USP22: variants seen among roughly 807,000 people sequenced by gnomAD.
The protein encoded by USP22 is ubiquitin specific peptidase 22, also known as ubiquitin carboxyl-terminal hydrolase 22.
A neutral mutation model predicts 68.1 loss-of-function variants in USP22; 22 were observed. The observed-to-expected ratio is 0.32, with a 90% CI of 0.23 to 0.46. USP22 has a LOEUF of 0.46. Among genes scored for constraint, USP22 ranks in the 20% least tolerant of loss-of-function variants. USP22 has a pLI of 1.00. For synonymous variants in USP22, 279 were observed against 274.2 expected, an observed-to-expected ratio of 1.02 and a Z score of -0.17; for missense variants, 433 against 695.8, an observed-to-expected ratio of 0.62 and a Z score of 4.25.
intron 2 of USP22, among the ~76,000 whole-genome samples, chr17:21,021,992 CG>C (rs1382661191): frequency 2.0e-5 from 3 of 151,986 alleles, no homozygotes; most frequent in African/African-American, 7.3e-5. Context: ...CCCAGCTATT[CG>C]GGGAGCTGAG....
rs568849099 is a variant in USP22 at position 21,035,945 on chromosome 17, G to A, written c.171+6720C>T. On this transcript the variant is annotated intron_variant, in intron 1 of 12. Coordinates refer to ENST00000261497, the MANE Select transcript of USP22 (RefSeq NM_015276.2). ...ACTCGGGAGGCTGAGGCAAGAGAAT[G>A]GCGTGAACCCAGGAGGCGGAGCTTG... Among the ~76,000 whole-genome samples, 11 of 148,834 alleles carry A rather than the reference G, an allele frequency of 7.4e-5. No individual in the cohort carries two copies. The East Asian group carries it at 2.2e-3, about 30-fold the overall frequency.
intron 2 of USP22, 152 bp from the exon 3 acceptor site, chr17:21,021,378 C>G (rs1972154643): frequency 1.6e-6 from 1 of 619,146 alleles, no homozygotes; most frequent in Admixed American, 2.5e-5. Flanking sequence ...CCAGCGGAGT[C>G]TCCTATCCTG....
At position 21,007,992 on chromosome 17, in the gene USP22, TG is replaced by T; in HGVS notation, c.1107del (p.Phe369LeufsTer30). On this transcript the variant is annotated frameshift_variant, in exon 9 of 13. Coordinates refer to ENST00000261497, the MANE Select transcript of USP22 (RefSeq NM_015276.2). LOFTEE classifies it high-confidence loss of function. ...TTTLTDCLRR[F>X]TRPEHLGSSA... ...CTGCTGCCCAAGTGCTCTGGTCTGG[TG>T]AATCTACAGGCGTTCAAAAAAGACA... 6.2e-7 allele frequency: 1 copy of T among 1,614,002 alleles called. No homozygotes were observed. The highest frequency in any genetic ancestry group is 8.5e-7 in the Non-Finnish European group (1 of 1,179,996).
At chr17:21,030,390 GTATGTA>G (rs1374768170) in intron 1 of USP22, among the ~76,000 whole-genome samples, 47 of 152,092 alleles carry the variant, frequency 3.1e-4, no homozygotes, top group African/African-American at 1.1e-3. Context: ...GTGTGTGTAT[GTATGTA>G]TGTATGTATG....
Position 21,005,285 on chromosome 17 carries a change from G to A in USP22, c.1323-295C>T, listed in dbSNP as rs1934601191. On this transcript the variant is annotated intron_variant, in intron 10 of 12. Transcript: ENST00000261497. ...GGGAGCTGGATCTGGAGGAATGTGA[G>A]TTTGGTTTGTGACAAAGCAGATGGT... 7 of 384,636 alleles carry A rather than the reference G, an allele frequency of 1.8e-5. No homozygotes were observed. The South Asian group carries it at 3.0e-4, about 16-fold the overall frequency. The allele number at this position is 384,636 out of a possible 1,614,324, so 23.8% of individuals were successfully genotyped here.
In USP22 at chr17:21,002,707, G is replaced by C. The variant is rs371959256; in HGVS notation, c.*324C>G. 3.0e-6 allele frequency: 1 copy of C among 328,108 alleles called. No individual in the cohort carries two copies. The highest frequency in any genetic ancestry group is 2.1e-5 in the African/African-American group (1 of 46,720). 20.3% of individuals were successfully genotyped at this position (328,108 alleles called of 1,614,324 possible). On this transcript the variant is annotated 3_prime_UTR_variant, in exon 13 of 13. Coordinates refer to ENST00000261497, the MANE Select transcript of USP22 (RefSeq NM_015276.2). ...CGAGTGCTGGGGAACGCCAGGCAGC[G>C]GTCACTCTGTGCTGTGAGGCCCCCG...
intron 2 of USP22, among the ~76,000 whole-genome samples, chr17:21,022,565 C>T (rs938108843): frequency 2.3e-4 from 35 of 151,992 alleles, no homozygotes; most frequent in African/African-American, 8.4e-4. Flanking sequence ...TTTGGGAGGC[C>T]GAGGCAGGCA....
chr17:21,010,501 AC>A (rs1913925562), intron 8 of USP22, among the ~76,000 whole-genome samples: 2 of 151,494 alleles, frequency 1.3e-5, no homozygotes, highest in Non-Finnish European at 1.5e-5. Context: ...ACATGGTAAA[AC>A]CCCCGCTCTA....
At chr17:21,017,920 T>C in intron 5 of USP22, 22 bp downstream of exon 5, 1 of 1,611,482 alleles carries the variant, frequency 6.2e-7, no homozygotes, top group South Asian at 1.1e-5. Flanking sequence ...AATGTTCCCC[T>C]GCAGAAGTCA....
At chr17:21,019,575 A>G (rs1433568088) in intron 3 of USP22, among the ~76,000 whole-genome samples, 1 of 152,268 alleles carries the variant, frequency 6.6e-6, no homozygotes, top group African/African-American at 2.4e-5. Flanking sequence ...GAGAGCTTGC[A>G]CTTTTCAGCA....
intron 9 of USP22, among the ~76,000 whole-genome samples, chr17:21,007,202 C>CTGT (rs1314405722): frequency 6.6e-6 from 1 of 152,228 alleles, no homozygotes; most frequent in Non-Finnish European, 1.5e-5. Flanking sequence ...AATGATGGGA[C>CTGT]TGTTCAGTGG....
Position 21,042,869 on chromosome 17 carries a change from C to CGGCGAGGGA in USP22, c.-43_-35dup, listed in dbSNP as rs1314070465. ...AGGCCCGGCCGCGCGCGGGGGGCGG[C>CGGCGAGGGA]GGCGAGGGAGGCGAGGACGACGCCA... On this transcript the variant is annotated 5_prime_UTR_variant, in exon 1 of 13. Coordinates refer to ENST00000261497, the MANE Select transcript of USP22 (RefSeq NM_015276.2). 13 of 1,231,854 alleles carry CGGCGAGGGA rather than the reference C, an allele frequency of 1.1e-5. No homozygotes were observed. The highest frequency in any genetic ancestry group is 1.3e-5 in the Non-Finnish European group (13 of 984,530). The allele number at this position is 1,231,854 out of a possible 1,614,324, so 76.3% of individuals were successfully genotyped here. A position where few individuals can be genotyped will look rare whatever the true frequency, so the allele number is the denominator to read the frequency against.
At chr17:21,008,234 A>G (rs1188329879) in intron 8 of USP22, among the ~76,000 whole-genome samples, 1 of 152,150 alleles carries the variant, frequency 6.6e-6, no homozygotes, top group East Asian at 1.9e-4. Flanking sequence ...AATGGTAATA[A>G]TTTTCTAAGT....
intron 2 of USP22, among the ~76,000 whole-genome samples, chr17:21,023,694 G>C (rs200642628): frequency 4.0e-5 from 6 of 149,934 alleles, no homozygotes; most frequent in Admixed American, 6.6e-5. Flanking sequence ...AAATCCACGT[G>C]ATGTCAGACA....
rs556204465 is a variant in USP22, at chr17:21,042,981, G to C, written c.-146C>G. ...AAGCGCGGAGGCCGGACAAAGATGG[G>C]GCTGCGCGATCGCCGAGGGGAGGCT... On this transcript the variant is annotated 5_prime_UTR_variant, in exon 1 of 13. Coordinates refer to ENST00000261497, the MANE Select transcript of USP22 (RefSeq NM_015276.2). The C allele has an allele frequency of 5.3e-5, 22 of 411,948 alleles. No homozygotes were observed. The highest frequency in any genetic ancestry group is 8.2e-5 in the Non-Finnish European group (21 of 255,562). 25.5% of individuals were successfully genotyped at this position (411,948 alleles called of 1,614,324 possible). A position where few individuals can be genotyped will look rare whatever the true frequency, so the allele number is the denominator to read the frequency against.
chr17:21,017,916 C>T, intron 5 of USP22, 26 bp downstream of exon 5: 1 of 1,608,676 alleles, frequency 6.2e-7, no homozygotes, highest in Non-Finnish European at 8.5e-7. Flanking sequence ...CAGAAATGTT[C>T]CCCTGCAGAA....
chr17:21,003,465 G>A (rs1377079771), intron 12 of USP22, among the ~76,000 whole-genome samples: 1 of 152,202 alleles, frequency 6.6e-6, no homozygotes, highest in Non-Finnish European at 1.5e-5. Flanking sequence ...CTCTCAAGAG[G>A]GCTTGGCTTC....
chr17:21,032,578 C>G (rs575924884), intron 1 of USP22, among the ~76,000 whole-genome samples: 1 of 152,156 alleles, frequency 6.6e-6, no homozygotes. Flanking sequence ...TGGTTTGTTA[C>G]AGCAGGCCCG....
At position 21,009,909 on chromosome 17, in the gene USP22, C is replaced by T. The variant is rs564509948; in HGVS notation, c.1103+1242G>A. On this transcript the variant is annotated intron_variant, in intron 8 of 12. Coordinates refer to ENST00000261497, the MANE Select transcript of USP22 (RefSeq NM_015276.2). ...GGTGGAGGTTGCAGTGAGCCAAGAT[C>T]GCGCCACTGCACTCCAGCCTGCACT... Among the ~76,000 whole-genome samples the T allele has an allele frequency of 2.6e-5, 4 of 151,322 alleles. No homozygotes were observed. In the East Asian group the frequency reaches 5.8e-4, roughly 22 times the overall value.
Sources: allele counts gnomAD v4.1 joint callset (sites outside exome capture counted in the v4.1 genomes callset), GRCh38; gene constraint gnomAD v4.1.1; transcripts MANE v1.5; gene names NCBI Gene and HGNC (gene_info 2026-07-23, HGNC 2026-07-21).